Variants in SESN3 observed in about 807,000 individuals in gnomAD.
SESN3 encodes the protein sestrin-3.
Under a neutral mutation model 55.3 loss-of-function variants are expected in SESN3, and 21 were observed. The observed-to-expected ratio is 0.38, with a 90% CI of 0.27 to 0.55. The LOEUF is 0.55. Among genes scored for constraint, SESN3 ranks in the 20% least tolerant of loss-of-function variants. SESN3 has a pLI of 0.76. For missense variants in SESN3, 408 were observed against 604.3 expected (o/e 0.68, Z 3.41); for synonymous variants, 181 against 203.1 (o/e 0.89, Z 0.93).
intron 1 of SESN3, among the ~76,000 whole-genome samples, chr11:95,196,901 T>G (rs1037649140): frequency 6.6e-6 from 1 of 152,242 alleles, no homozygotes; most frequent in African/African-American, 2.4e-5. Context: ...ATTCATTTGA[T>G]GGTCACACCT....
chr11:95,171,944 C>T lies in SESN3; in HGVS notation c.*1311G>A, dbSNP rs908877008. 1.2e-4 allele frequency: 19 copies of T among 152,172 alleles called. No homozygotes were observed. Among genetic ancestry groups the T allele is most frequent in the South Asian group, 6.2e-4 (3 of 4,832 alleles). 9.4% of individuals were successfully genotyped at this position (152,172 alleles called of 1,614,324 possible). On this transcript the variant is annotated 3_prime_UTR_variant, in exon 10 of 10. Coordinates refer to ENST00000536441, the MANE Select transcript of SESN3 (RefSeq NM_144665.4). ...TTATTCCTCCCCTATGACTTAATAA[C>T]GTTTTTAAACCAGTTGTCCAAGGAG... is the stretch of plus-strand genomic sequence containing the variant.
At chr11:95,199,285 TAA>T (rs1214113894) in intron 1 of SESN3, among the ~76,000 whole-genome samples, 1 of 152,124 alleles carries the variant, frequency 6.6e-6, no homozygotes, top group Non-Finnish European at 1.5e-5. Flanking sequence ...GTATGTGCTC[TAA>T]GAGATTATTT....
At chr11:95,191,756 AAAAG>A (rs1860273728) in intron 2 of SESN3, among the ~76,000 whole-genome samples, 155 bp from the exon 3 acceptor site, 1 of 152,122 alleles carries the variant, frequency 6.6e-6, no homozygotes, top group Non-Finnish European at 1.5e-5. Flanking sequence ...CAGAAATAAA[AAAAG>A]AAAGCACCAT....
rs1371853485 is a variant in SESN3, at chr11:95,178,818, ATCC to A, written c.945_947del (p.Glu315del). 1.9e-6 allele frequency: 3 copies of A among 1,577,446 alleles called. No homozygotes were observed. In the African/African-American group the frequency reaches 4.0e-5, roughly 21 times the overall value. ...AGACATCAGATGTTATAATCATGTC[ATCC>A]TCAAAATCTAAGGACAATAATGAAC... On this transcript the variant is annotated inframe_deletion, in exon 7 of 10. Coordinates refer to ENST00000536441, the MANE Select transcript of SESN3 (RefSeq NM_144665.4).
intron 1 of SESN3, among the ~76,000 whole-genome samples, chr11:95,225,851 T>C (rs1402579470): frequency 1.3e-5 from 2 of 152,148 alleles, no homozygotes. Flanking sequence ...CCCCCCCTTT[T>C]ATTAAGCACA....
intron 1 of SESN3, among the ~76,000 whole-genome samples, chr11:95,211,061 G>T (rs1216924104): frequency 1.3e-5 from 2 of 152,150 alleles, no homozygotes; most frequent in East Asian, 1.9e-4. Flanking sequence ...TAGTGGAAAA[G>T]AATAATAAAT....
intron 1 of SESN3, among the ~76,000 whole-genome samples, chr11:95,221,260 C>T (rs922895015): frequency 2.0e-5 from 3 of 151,552 alleles, no homozygotes; most frequent in Admixed American, 6.6e-5. Flanking sequence ...GCCAAGATGG[C>T]GCCACTGCAC....
At chr11:95,231,672 T>G (rs1861072928), upstream of SESN3, 1 of 151,586 alleles carries the variant, frequency 6.6e-6, no homozygotes, top group African/African-American at 2.4e-5. Flanking sequence ...GGGAGGGGAG[T>G]GGGAGGATTA....
rs1240569273 is a variant in SESN3 at position 95,185,348 on chromosome 11, A to C, written c.670T>G (p.Phe224Val). The change falls in exon 5 of 10, where the codon TTC becomes GTC. Residue 224 changes from phenylalanine (F) to valine (V), a missense_variant. Physicochemically the swap from Phe to Val is conservative, Grantham distance 50. Transcript: ENST00000536441. ...AAATTGTTGACTGATATTAGCCTGA[A>C]TCCATTGGAGATTTCTGGATCTCTC... ...PERDPEISNG[F>V]RLISVNNFCV... 6.2e-7 allele frequency: 1 copy of C among 1,613,158 alleles called. No homozygotes were observed. Among genetic ancestry groups the C allele is most frequent in the African/African-American group, 1.3e-5 (1 of 74,846 alleles).
chr11:95,213,389 T>C (rs1036165340), intron 1 of SESN3, among the ~76,000 whole-genome samples: 1 of 152,180 alleles, frequency 6.6e-6, no homozygotes, highest in African/African-American at 2.4e-5. Context: ...GGCAAACAAC[T>C]TTACAAAGGA....
chr11:95,221,943 G>A (rs1410738645), intron 1 of SESN3, among the ~76,000 whole-genome samples: 1 of 152,210 alleles, frequency 6.6e-6, no homozygotes, highest in Non-Finnish European at 1.5e-5. Flanking sequence ...CCAAGGGAGT[G>A]CCTGCTGGCC....
At chr11:95,184,124 G>A in intron 6 of SESN3, 1 of 393,684 alleles carries the variant, frequency 2.5e-6, no homozygotes, top group Admixed American at 4.3e-5. Context: ...ACAAAAGTAG[G>A]ATAAATTAAA....
chr11:95,186,575 A>G (rs61893697), intron 4 of SESN3, among the ~76,000 whole-genome samples: 20,071 of 151,842 alleles, frequency 0.13, 1,764 homozygotes, highest in Middle Eastern at 0.24. Context: ...AGTTAACAAT[A>G]ACATACAGTT....
chr11:95,200,843 T>C (rs752306383), intron 1 of SESN3: 1 of 152,074 alleles, frequency 6.6e-6, no homozygotes, highest in Admixed American at 6.6e-5. Flanking sequence ...GATTTTTAAC[T>C]TGAATTCTCA....
At position 95,230,992 on chromosome 11, in the gene SESN3, G is replaced by C; in HGVS notation, c.-132C>G. ...CTCAGCCTCCTCAAGGCGGGATGTC[G>C]GGAGGAGAGGCGACTGCCTGAAAGC... On this transcript the variant is annotated 5_prime_UTR_variant, in exon 1 of 10. Transcript: ENST00000536441. This position sits in a 1 kb window ranked among gnomAD's most constrained non-coding sequence, Gnocchi z 4.6. The C allele has an allele frequency of 1.9e-6, 1 of 515,832 alleles. No individual in the cohort carries two copies. 32.0% of individuals were successfully genotyped at this position (515,832 alleles called of 1,614,324 possible). A position where few individuals can be genotyped will look rare whatever the true frequency, so the allele number is the denominator to read the frequency against.
intron 9 of SESN3, among the ~76,000 whole-genome samples, chr11:95,174,715 G>C (rs1269448359): frequency 1.3e-5 from 2 of 152,040 alleles, no homozygotes; most frequent in Non-Finnish European, 1.5e-5. Context: ...TTGAACTCCT[G>C]ACCTCAGGTG....
chr11:95,178,370 A>G (rs1417896503), intron 7 of SESN3, among the ~76,000 whole-genome samples: 3 of 152,216 alleles, frequency 2.0e-5, no homozygotes, highest in Non-Finnish European at 2.9e-5. Flanking sequence ...CCTTAAGCCC[A>G]TGACTACTGG....
chr11:95,177,964 A>G lies in SESN3; in HGVS notation c.1057-55T>C, dbSNP rs116665772. The G allele has an allele frequency of 1.5e-5, 18 of 1,188,464 alleles. No homozygotes were observed. The African/African-American group carries it at 2.9e-4, about 19-fold the overall frequency. The allele number at this position is 1,188,464 out of a possible 1,614,324, so 73.6% of individuals were successfully genotyped here. On this transcript the variant is annotated intron_variant, in intron 7 of 9. Coordinates refer to ENST00000536441, the MANE Select transcript of SESN3 (RefSeq NM_144665.4). ...AGTGGGCATTTTCCATCTAAATTCTATGTATTATTAAATATAACTAATGAA... is the reference window on the plus strand; with the variant it reads ...AGTGGGCATTTTCCATCTAAATTCTGTGTATTATTAAATATAACTAATGAA...
intron 1 of SESN3, among the ~76,000 whole-genome samples, chr11:95,225,570 G>A (rs1860933831): frequency 6.6e-6 from 1 of 152,148 alleles, no homozygotes; most frequent in Non-Finnish European, 1.5e-5. Context: ...TACAAAGGCA[G>A]TATTAAGAAT....
Sources: gnomAD v4.1 joint callset for allele counts (sites outside exome capture counted in the v4.1 genomes callset) on GRCh38, gnomAD v4.1.1 for gene constraint, Gnocchi (gnomAD v3.1) non-coding constraint, MANE v1.5 for transcripts, NCBI Gene and HGNC (gene_info 2026-07-23, HGNC 2026-07-21) for gene names.